Variants in NTN4 observed in about 807,000 individuals in gnomAD.
NTN4 encodes the protein netrin-4.
NTN4 carries 32 observed loss-of-function variants against 73.6 expected under a neutral mutation model. That is an observed-to-expected ratio of 0.44 (90% confidence interval 0.33 to 0.58). The LOEUF is 0.58. Among genes scored for constraint, NTN4 ranks in the 20% least tolerant of loss-of-function variants. The probability of loss-of-function intolerance (pLI) is 0.04; values close to 1 mark genes in which losing one functional copy is unlikely to be tolerated. For missense variants in NTN4, 654 were observed against 798.3 expected, an observed-to-expected ratio of 0.82 and a Z score of 2.18; for synonymous variants, 258 against 287.5, an observed-to-expected ratio of 0.90 and a Z score of 1.04.
intron 5 of NTN4, among the ~76,000 whole-genome samples, chr12:95,700,847 T>A (rs1233869442): frequency 2.1e-5 from 3 of 145,400 alleles, no homozygotes; most frequent in African/African-American, 7.7e-5. Context: ...AGAGTCTCCC[T>A]CTGTTGCCCA....
intron 3 of NTN4, among the ~76,000 whole-genome samples, chr12:95,726,248 C>T: frequency 6.6e-6 from 1 of 152,154 alleles, no homozygotes. Context: ...AAAAAGAAAT[C>T]TCATGCTCAC....
intron 5 of NTN4, among the ~76,000 whole-genome samples, chr12:95,688,081 A>G (rs902043762): frequency 6.6e-6 from 1 of 152,162 alleles, no homozygotes; most frequent in African/African-American, 2.4e-5. Flanking sequence ...GGCATAATGA[A>G]TCATAAGAAG....
chr12:95,695,396 G>C (rs2078433543), intron 5 of NTN4, among the ~76,000 whole-genome samples: 1 of 152,030 alleles, frequency 6.6e-6, no homozygotes. Context: ...GACAAGTCTT[G>C]CTCTGTCGCC....
chr12:95,665,578 A>T, intron 9 of NTN4: 1 of 347,604 alleles, frequency 2.9e-6, no homozygotes, highest in East Asian at 4.6e-5. Flanking sequence ...TAGGATAGAG[A>T]GTATTATATT....
chr12:95,784,754 G>A (rs540593907), intron 2 of NTN4, among the ~76,000 whole-genome samples: 13 of 151,376 alleles, frequency 8.6e-5, no homozygotes, highest in East Asian at 3.9e-4. Context: ...GTGACAGAGC[G>A]GGACTCAGTC....
intron 2 of NTN4, among the ~76,000 whole-genome samples, chr12:95,753,150 A>G (rs568042715): frequency 6.6e-6 from 1 of 152,300 alleles, no homozygotes; most frequent in African/African-American, 2.4e-5. Context: ...TATTGACGGC[A>G]GTTCCACCAG....
At chr12:95,774,163 TA>T (rs1375084106) in intron 2 of NTN4, among the ~76,000 whole-genome samples, 1 of 137,408 alleles carries the variant, frequency 7.3e-6, no homozygotes, top group African/African-American at 2.8e-5. Flanking sequence ...AATTTAGTTT[TA>T]GTTTTTCTCT....
At chr12:95,700,246 A>G (rs1187409933) in intron 5 of NTN4, among the ~76,000 whole-genome samples, 1 of 151,774 alleles carries the variant, frequency 6.6e-6, no homozygotes, top group Admixed American at 6.6e-5. Context: ...CTACAAGTGC[A>G]TACCATCATG....
At chr12:95,684,467 TAA>T (rs67432613) in intron 5 of NTN4, among the ~76,000 whole-genome samples, 32 of 129,836 alleles carry the variant, frequency 2.5e-4, no homozygotes, top group Non-Finnish European at 3.6e-4. Flanking sequence ...CCTGGCTACT[TAA>T]AAAAAATTTT....
At chr12:95,687,384 A>T (rs7308062) in intron 5 of NTN4, among the ~76,000 whole-genome samples, 126,504 of 150,692 alleles carry the variant, frequency 0.84, 53,128 homozygotes, top group East Asian at 0.98. Flanking sequence ...GTGAAAAAAA[A>T]TTTTTTTTTT....
intron 2 of NTN4, among the ~76,000 whole-genome samples, chr12:95,756,629 AC>A (rs1032312509): frequency 2.0e-5 from 3 of 151,992 alleles, no homozygotes; most frequent in South Asian, 4.2e-4. Flanking sequence ...ACTTAGGAAT[AC>A]CCCACTACTT....
chr12:95,784,750 G>C (rs1303646814), intron 2 of NTN4, among the ~76,000 whole-genome samples: 1 of 151,522 alleles, frequency 6.6e-6, no homozygotes, highest in Non-Finnish European at 1.5e-5. Flanking sequence ...CTGGGTGACA[G>C]AGCGGGACTC....
chr12:95,727,766 T>C (rs1473417347), intron 3 of NTN4, among the ~76,000 whole-genome samples: 1 of 152,208 alleles, frequency 6.6e-6, no homozygotes, highest in Non-Finnish European at 1.5e-5. Flanking sequence ...TCAAGGTTGT[T>C]TTGGCTATTT....
At chr12:95,688,556 C>T (rs1264510262) in intron 5 of NTN4, among the ~76,000 whole-genome samples, 1 of 152,070 alleles carries the variant, frequency 6.6e-6, no homozygotes, top group Non-Finnish European at 1.5e-5. Flanking sequence ...ATCCTGGAAA[C>T]ATTCTGACAC....
At chr12:95,694,677 A>G (rs1198642727) in intron 5 of NTN4, among the ~76,000 whole-genome samples, 1 of 152,184 alleles carries the variant, frequency 6.6e-6, no homozygotes, top group Non-Finnish European at 1.5e-5. Context: ...AGCTATAAAA[A>G]AATAAGAAAA....
intron 2 of NTN4, among the ~76,000 whole-genome samples, chr12:95,740,634 G>A (rs763217218): frequency 4.6e-5 from 7 of 152,042 alleles, no homozygotes; most frequent in African/African-American, 9.6e-5. Flanking sequence ...CAGAAAAATC[G>A]GTCATGCAAA....
At chr12:95,705,919 A>C (rs921540997) in intron 5 of NTN4, among the ~76,000 whole-genome samples, 1 of 152,256 alleles carries the variant, frequency 6.6e-6, no homozygotes, top group Middle Eastern at 3.2e-3. Context: ...GTGAAGGAAT[A>C]AGCTTTAAAA....
In NTN4 at chr12:95,691,735, A is replaced by G. The variant is rs534201159; in HGVS notation, c.1181-8024T>C. Among the ~76,000 whole-genome samples, 4 of 152,198 alleles carry G rather than the reference A, an allele frequency of 2.6e-5. No individual in the cohort carries two copies. In the South Asian group the frequency reaches 8.3e-4, roughly 32 times the overall value. On this transcript the variant is annotated intron_variant, in intron 5 of 9. Coordinates refer to ENST00000343702, the MANE Select transcript of NTN4 (RefSeq NM_021229.4). ...CCCAACAGTTGAACCATCATCATAT[A>G]CTATTATGCTGACATTAATTATTCT...
chr12:95,700,231 T>C (rs1403985041), intron 5 of NTN4, among the ~76,000 whole-genome samples: 7 of 151,822 alleles, frequency 4.6e-5, no homozygotes, highest in Non-Finnish European at 1.0e-4. Flanking sequence ...CCTGAGTTGC[T>C]GGGACTACAA....
Sources: allele counts gnomAD v4.1 joint callset (sites outside exome capture counted in the v4.1 genomes callset), GRCh38; gene constraint gnomAD v4.1.1; transcripts MANE v1.5; gene names NCBI Gene and HGNC (gene_info 2026-07-23, HGNC 2026-07-21).